The following EDIL3 variants were observed in gnomAD, a reference collection of about 807,000 sequenced individuals.
The protein encoded by EDIL3 is EGF-like repeat and discoidin I-like domain-containing protein 3.
Under a neutral mutation model 67.4 loss-of-function variants are expected in EDIL3, and 37 were observed. That is an observed-to-expected ratio of 0.55 (90% CI 0.42 to 0.72). The LOEUF (loss-of-function observed/expected upper bound fraction) is 0.72, where lower values mean the gene tolerates loss of function less well. Ranked by LOEUF, EDIL3 falls within the 30% of genes least tolerant of loss-of-function variation. The pLI is 0.00. For missense variants in EDIL3, 527 were observed against 586.3 expected (o/e 0.90, Z 1.04); for synonymous variants, 195 against 196.3 (o/e 0.99, Z 0.05).
intron 3 of EDIL3, among the ~76,000 whole-genome samples, chr5:84,189,717 AACTCT>A (rs1447430770): frequency 6.6e-6 from 1 of 151,996 alleles, no homozygotes; most frequent in African/African-American, 2.4e-5. Flanking sequence ...ACTCAAAGAG[AACTCT>A]ATATCAATAC....
chr5:84,048,910 T>C (rs1746280228), intron 9 of EDIL3, among the ~76,000 whole-genome samples: 2 of 152,156 alleles, frequency 1.3e-5, no homozygotes, highest in Admixed American at 1.3e-4. Flanking sequence ...TCATTAGCAA[T>C]GTCCCTGCTC....
intron 1 of EDIL3, among the ~76,000 whole-genome samples, chr5:84,374,900 C>T (rs1366240150): frequency 6.6e-6 from 1 of 152,068 alleles, no homozygotes; most frequent in African/African-American, 2.4e-5. Context: ...GCCTCTCCAG[C>T]CATGTGGAAC....
chr5:84,041,449 T>C (rs1580294574), intron 9 of EDIL3, among the ~76,000 whole-genome samples: 1 of 151,680 alleles, frequency 6.6e-6, no homozygotes, highest in East Asian at 1.9e-4. Flanking sequence ...GTGGTGTGCT[T>C]TTTCCCACTG....
chr5:84,317,204 G>C (rs995646990), intron 1 of EDIL3, among the ~76,000 whole-genome samples: 1 of 152,064 alleles, frequency 6.6e-6, no homozygotes, highest in South Asian at 2.1e-4. Flanking sequence ...AAAAGAACTA[G>C]AAAATCAAGA....
At chr5:84,058,843 G>A (rs368378690) in intron 9 of EDIL3, among the ~76,000 whole-genome samples, 34 of 152,102 alleles carry the variant, frequency 2.2e-4, no homozygotes, top group Non-Finnish European at 1.5e-5. Context: ...ACAAACATTT[G>A]TTAAATAAAT....
chr5:84,099,327 TC>T (rs147267377), intron 6 of EDIL3, among the ~76,000 whole-genome samples: 56,139 of 151,896 alleles, frequency 0.37, 10,635 homozygotes, highest in Non-Finnish European at 0.4. Context: ...ACTGGAGGCA[TC>T]ACTCTACCTG....
intron 5 of EDIL3, among the ~76,000 whole-genome samples, chr5:84,119,424 C>A (rs1464770849): frequency 6.6e-6 from 1 of 151,882 alleles, no homozygotes; most frequent in Non-Finnish European, 1.5e-5. Context: ...TTTCTGTCAC[C>A]AAAGCATTCA....
intron 9 of EDIL3, among the ~76,000 whole-genome samples, chr5:84,017,199 C>T (rs1745623080): frequency 6.6e-6 from 1 of 152,146 alleles, no homozygotes; most frequent in African/African-American, 2.4e-5. Context: ...AAGATTTACA[C>T]ATCTTTTTGT....
At chr5:84,330,763 C>A (rs1252787954) in intron 1 of EDIL3, among the ~76,000 whole-genome samples, 2 of 152,184 alleles carry the variant, frequency 1.3e-5, no homozygotes, top group African/African-American at 4.8e-5. Flanking sequence ...CCCTGGAAAG[C>A]AAGCAGTGCT....
At chr5:84,048,296 C>A (rs1211479996) in intron 9 of EDIL3, 1 of 430,398 alleles carries the variant, frequency 2.3e-6, no homozygotes, top group South Asian at 1.7e-5. Context: ...GTTCAGAAGG[C>A]AAAATAAGTT....
intron 5 of EDIL3, among the ~76,000 whole-genome samples, chr5:84,108,120 T>A (rs773605738): frequency 2.0e-5 from 3 of 151,648 alleles, no homozygotes; most frequent in Non-Finnish European, 4.4e-5. Flanking sequence ...TTGTCAGTAA[T>A]TAAATGTTTA....
At chr5:84,208,611 G>A (rs1393777915) in intron 3 of EDIL3, among the ~76,000 whole-genome samples, 37 of 148,230 alleles carry the variant, frequency 2.5e-4, no homozygotes, top group African/African-American at 8.0e-4. Context: ...CCCGGGAAGC[G>A]GAGCTTGCAG....
intron 4 of EDIL3, among the ~76,000 whole-genome samples, chr5:84,162,434 A>T (rs1288374104): frequency 6.6e-6 from 1 of 152,130 alleles, no homozygotes; most frequent in African/African-American, 2.4e-5. Flanking sequence ...TGACATCTTC[A>T]GTACCAAAGT....
chr5:84,331,328 G>A (rs1361182406), intron 1 of EDIL3, among the ~76,000 whole-genome samples: 2 of 152,132 alleles, frequency 1.3e-5, no homozygotes, highest in Non-Finnish European at 2.9e-5. Context: ...GACTGATATG[G>A]TTTGGCTGTG....
Position 84,324,732 on chromosome 5 carries a change from T to C in EDIL3, c.67+59576A>G, listed in dbSNP as rs191362520. ...TCAGAAATCAGAGTGGTGACATTAC[T>C]ACAAATTCTATAGAAATAATAAAGC... is the stretch of plus-strand genomic sequence containing the variant. On this transcript the variant is annotated intron_variant, in intron 1 of 10. Coordinates refer to ENST00000296591, the MANE Select transcript of EDIL3 (RefSeq NM_005711.5). Among the ~76,000 whole-genome samples the C allele has an allele frequency of 5.4e-4, 82 of 151,930 alleles. 1 individual carries two copies. In the Middle Eastern group the frequency reaches 0.01, roughly 19 times the overall value.
intron 1 of EDIL3, among the ~76,000 whole-genome samples, chr5:84,359,890 T>G (rs1425343907): frequency 1.3e-5 from 2 of 152,204 alleles, no homozygotes; most frequent in Admixed American, 1.3e-4. Context: ...ACTAAACTCC[T>G]CTTTTCCAAT....
intron 5 of EDIL3, among the ~76,000 whole-genome samples, chr5:84,125,847 A>G (rs1747860843): frequency 6.6e-6 from 1 of 151,924 alleles, no homozygotes; most frequent in African/African-American, 2.4e-5. Context: ...AATCACTTTT[A>G]AGGAGACTGA....
intron 9 of EDIL3, among the ~76,000 whole-genome samples, chr5:84,052,846 C>A (rs1005597166): frequency 3.3e-5 from 5 of 152,100 alleles, no homozygotes; most frequent in Admixed American, 2.6e-4. Flanking sequence ...TAGACTCCCA[C>A]ACAATAATAA....
Position 84,132,542 on chromosome 5 carries a change from TA to T in EDIL3, c.469+4698del, listed in dbSNP as rs1561440884. ...TTTAATATATATTATATATTTTATA[TA>T]TAATATATATTTTATATATTTTTAA... On this transcript the variant is annotated intron_variant, in intron 5 of 10. Transcript: ENST00000296591. 4.2e-4 allele frequency among the ~76,000 whole-genome samples: 51 copies of T among 120,066 alleles called. 1 individual carries two copies. In the East Asian group the frequency reaches 0.01, roughly 24 times the overall value. 78.8% of individuals were successfully genotyped at this position (120,066 alleles called of 152,430 possible).
Sources: allele counts gnomAD v4.1 joint callset (sites outside exome capture counted in the v4.1 genomes callset), GRCh38; gene constraint gnomAD v4.1.1; transcripts MANE v1.5; gene names NCBI Gene and HGNC (gene_info 2026-07-23, HGNC 2026-07-21).